KIF1C: variants seen among roughly 807,000 people sequenced by gnomAD.
The protein encoded by KIF1C is kinesin family member 1C.
In KIF1C, 61 loss-of-function variants were observed where a neutral mutation model predicts 126.5. The ratio of observed to expected loss-of-function variants is 0.48; its 90% CI spans 0.39 to 0.60. The LOEUF (loss-of-function observed/expected upper bound fraction) is 0.60. Among genes scored for constraint, KIF1C ranks in the 20% least tolerant of loss-of-function variants. KIF1C has a pLI of 0.00. For synonymous variants in KIF1C, 640 were observed against 580.6 expected (o/e 1.10, Z -1.47); for missense variants, 1,315 against 1,489.2 (o/e 0.88, Z 1.93).
rs751031419 is a variant in KIF1C at position 5,024,026 on chromosome 17, C to A, written c.3187C>A (p.Gln1063Lys). ...FQPKKHNSYP[Q>K]PPQPYPAQRP... ...GCCCAAAAAGCACAACTCTTATCCC[C>A]AGCCACCCCAACCCTACCCAGCCCA... is the stretch of plus-strand genomic sequence containing the variant. Residue 1063 changes from glutamine to lysine, a missense_variant, in exon 23 of 23, where the codon CAG becomes AAG. Around this residue, in one of 2 missense-constraint regions of KIF1C, gnomAD observed 441 missense variants for 436.1 expected, o/e 1.01. Transcript: ENST00000320785. 3.9e-5 allele frequency: 63 copies of A among 1,595,436 alleles called. No homozygotes were observed. Among genetic ancestry groups the A allele is most frequent in the African/African-American group, 5.4e-5 (4 of 74,174 alleles).
At position 5,002,849 on chromosome 17, in the gene KIF1C, T is replaced by TC. The variant is rs760311951; in HGVS notation, c.720+8dup. ...GGGGCTGGACTCGGAGAAGGTGGGA[T>TC]CGCCCCCCCCCCCACTCCCCCACCG... On this transcript the variant is annotated splice_region_variant and intron_variant, in intron 8 of 22. Coordinates refer to ENST00000320785, the MANE Select transcript of KIF1C (RefSeq NM_006612.6). 4 of 1,544,870 alleles carry TC rather than the reference T, an allele frequency of 2.6e-6. No individual in the cohort carries two copies. Among genetic ancestry groups the TC allele is most frequent in the South Asian group, 1.1e-5 (1 of 89,302 alleles).
In KIF1C at chr17:5,020,728, C is replaced by T. The variant is rs376911209; in HGVS notation, c.1937+50C>T. 30 of 1,609,404 alleles carry T rather than the reference C, an allele frequency of 1.9e-5. No individual in the cohort carries two copies. The highest frequency in any genetic ancestry group is 1.7e-4 in the Middle Eastern group (1 of 6,060). ...CCATGGCCGTCTAGGCCGTCCCTCC[C>T]GGGCCTCTGGGCCCGTGTCCTCCTC... On this transcript the variant is annotated intron_variant, in intron 20 of 22. Transcript: ENST00000320785. The surrounding 1 kb of genome is among the most constrained non-coding windows in gnomAD (Gnocchi z 5.8).
chr17:5,022,620 G>A lies in KIF1C; in HGVS notation c.2539G>A (p.Val847Met), dbSNP rs1975119473. 1 of 1,607,440 alleles carries A rather than the reference G, an allele frequency of 6.2e-7. No homozygotes were observed. Among genetic ancestry groups the A allele is most frequent in the Non-Finnish European group, 8.5e-7 (1 of 1,176,440 alleles). Residue 847 changes from valine (V) to methionine (M), a missense_variant, in exon 22 of 23, where the codon GTG (valine) becomes ATG (methionine). By Grantham distance (21) the Val-to-Met change is conservative (BLOSUM62 1). Around this residue, in one of 2 missense-constraint regions of KIF1C, gnomAD observed 441 missense variants for 436.1 expected, o/e 1.01. Coordinates refer to ENST00000320785, the MANE Select transcript of KIF1C (RefSeq NM_006612.6). The surrounding 1 kb of genome is among the most constrained non-coding windows in gnomAD (Gnocchi z 4.9). ...CAAGCTGACGGGGATTCTGCAGGAG[G>A]TGAAGCTGCAGAACAGCAGCAAGGA... ...IDKLTGILQEVKLQNSSKDRE... is the reference protein window; with the variant it reads ...IDKLTGILQEMKLQNSSKDRE...
intron 11 of KIF1C, among the ~76,000 whole-genome samples, chr17:5,004,348 C>A (rs1014619994): frequency 3.9e-5 from 6 of 152,172 alleles, no homozygotes; most frequent in African/African-American, 1.4e-4. Context: ...ACTTCATCCC[C>A]CTTCCATGGT....
intron 13 of KIF1C, among the ~76,000 whole-genome samples, chr17:5,006,378 C>G (rs1322026705): frequency 1.3e-5 from 2 of 151,158 alleles, no homozygotes; most frequent in Non-Finnish European, 2.9e-5. Context: ...GCTCTGTCAC[C>G]CAGGCTGGAG....
chr17:5,022,239 A>G lies in KIF1C; in HGVS notation c.2158A>G (p.Arg720Gly), dbSNP rs1975106276. ...TGGTCTGCCCAGCAGTGGCAAGCGC[A>G]GGGCCCCTCGCAGGGTTTATCAGAT... Reference protein sequence around the residue: ...RCGLPSSGKRRAPRRVYQIPQ... With the variant: ...RCGLPSSGKRGAPRRVYQIPQ... The change falls in exon 22 of 23, where the codon AGG (arginine) becomes GGG (glycine). Residue 720 changes from arginine (R) to glycine (G), a missense_variant. Around this residue, in one of 2 missense-constraint regions of KIF1C, gnomAD observed 874 missense variants for 1,053.2 expected, o/e 0.83. Transcript: ENST00000320785. The surrounding 1 kb of genome is among the most constrained non-coding windows in gnomAD (Gnocchi z 4.9). 6.2e-7 allele frequency: 1 copy of G among 1,614,162 alleles called. No homozygotes were observed. Among genetic ancestry groups the G allele is most frequent in the Non-Finnish European group, 8.5e-7 (1 of 1,180,020 alleles).
chr17:5,009,632 C>CAA (rs1011987820), intron 16 of KIF1C, among the ~76,000 whole-genome samples: 1 of 151,052 alleles, frequency 6.6e-6, no homozygotes, highest in African/African-American at 2.4e-5. Flanking sequence ...ACTACAAATA[C>CAA]AAAAAATTAG....
At position 5,026,646 on chromosome 17, in the gene KIF1C, A is replaced by C. The variant is rs1027131145; in HGVS notation, c.*2495A>C. On this transcript the variant is annotated 3_prime_UTR_variant, in exon 23 of 23. Transcript: ENST00000320785. ...GTACCTGTAGTTCCAGCTACTAGGG[A>C]GGTAGGAAGATCACCTGAGCCCATG... The C allele has an allele frequency of 2.6e-5, 4 of 151,584 alleles. No individual in the cohort carries two copies. The highest frequency in any genetic ancestry group is 7.6e-5 in the African/African-American group (3 of 39,372). 9.4% of individuals were successfully genotyped at this position (151,584 alleles called of 1,614,324 possible). A position where few individuals can be genotyped will look rare whatever the true frequency, so the allele number is the denominator to read the frequency against.
chr17:5,002,851 GCCC>G lies in KIF1C; in HGVS notation c.720+18_720+20del, dbSNP rs10533622. ...GGCTGGACTCGGAGAAGGTGGGATC[GCCC>G]CCCCCCCCACTCCCCCACCGGATGC... On this transcript the variant is annotated intron_variant, in intron 8 of 22. Coordinates refer to ENST00000320785, the MANE Select transcript of KIF1C (RefSeq NM_006612.6). 2.2e-4 allele frequency: 307 copies of G among 1,421,838 alleles called. 2 individuals are homozygous for G. Among genetic ancestry groups the G allele is most frequent in the African/African-American group, 3.4e-4 (23 of 67,388 alleles). The allele number at this position is 1,421,838 out of a possible 1,614,324, so 88.1% of individuals were successfully genotyped here.
At position 5,003,609 on chromosome 17, in the gene KIF1C, C is replaced by T. The variant is rs1477608504; in HGVS notation, c.721-3C>T. The T allele has an allele frequency of 4.3e-6, 7 of 1,610,022 alleles. No individual in the cohort carries two copies. Among genetic ancestry groups the T allele is most frequent in the Non-Finnish European group, 5.9e-6 (7 of 1,177,296 alleles). On this transcript the variant is annotated splice_region_variant and splice_polypyrimidine_tract_variant and intron_variant, in intron 8 of 22. Coordinates refer to ENST00000320785, the MANE Select transcript of KIF1C (RefSeq NM_006612.6). ...ATCTCCTGCCTGTTTCCTCTGACCC[C>T]AGGTCAGTAAGATCAGTTTGGTGGA...
rs1975071327 is a variant in KIF1C, at chr17:5,020,694, C to CCACG, written c.1937+17_1937+20dup. On this transcript the variant is annotated intron_variant, in intron 20 of 22. Transcript: ENST00000320785. This position sits in a 1 kb window ranked among gnomAD's most constrained non-coding sequence, Gnocchi z 5.8. ...TGGAGAAGAGGTGCGAGGGGGTTACCCACGTGCCCCATGGCCGTCTAGGCC... is the reference window on the plus strand; with the variant it reads ...TGGAGAAGAGGTGCGAGGGGGTTACCCACGCACGTGCCCCATGGCCGTCTAGGCC... 2 of 1,612,066 alleles carry CCACG rather than the reference C, an allele frequency of 1.2e-6. No individual in the cohort carries two copies. The highest frequency in any genetic ancestry group is 4.5e-5 in the East Asian group (2 of 44,838).
At chr17:5,006,872 T>A (rs1462292861) in intron 13 of KIF1C, 43 bp from the exon 14 acceptor site, 1 of 1,605,096 alleles carries the variant, frequency 6.2e-7, no homozygotes, top group Admixed American at 1.7e-5. Context: ...CATCAGCTCC[T>A]TCTTTCCTTA....
chr17:5,002,917 G>C, intron 8 of KIF1C, 75 bp downstream of exon 8: 4 of 1,246,596 alleles, frequency 3.2e-6, no homozygotes, highest in Non-Finnish European at 4.6e-6. Context: ...CATGGTAGAA[G>C]GGTCTTGGGC....
Position 5,022,102 on chromosome 17 carries a change from C to T in KIF1C, c.2021C>T (p.Ser674Leu), listed in dbSNP as rs757618663. 5.0e-6 allele frequency: 8 copies of T among 1,603,072 alleles called. No individual in the cohort carries two copies. The Admixed American group carries it at 5.0e-5, about 10-fold the overall frequency. Reference sequence around the variant, plus strand: ...TTTCTCTGGCCCCAGTATGCAGACTCGGACAGCGGGGATGACTCTGACAAG... The same window carrying T: ...TTTCTCTGGCCCCAGTATGCAGACTTGGACAGCGGGGATGACTCTGACAAG... Reference protein sequence around the residue: ...LLEQQRLYADSDSGDDSDKRS... With the variant: ...LLEQQRLYADLDSGDDSDKRS... Residue 674 changes from serine (S) to leucine (L), a missense_variant, in exon 22 of 23, where the codon TCG (serine) becomes TTG (leucine). Transcript: ENST00000320785. This position sits in a 1 kb window ranked among gnomAD's most constrained non-coding sequence, Gnocchi z 4.9.
At chr17:5,007,401 C>T (rs1597850045) in intron 15 of KIF1C, 59 bp downstream of exon 15, 1 of 1,609,784 alleles carries the variant, frequency 6.2e-7, no homozygotes, top group Admixed American at 1.7e-5. Context: ...GGAGGTCAGG[C>T]CCCACAGGGA....
chr17:5,023,375 C>A lies in KIF1C; in HGVS notation c.2629-93C>A. 2 of 1,072,374 alleles carry A rather than the reference C, an allele frequency of 1.9e-6. No individual in the cohort carries two copies. Among genetic ancestry groups the A allele is most frequent in the Non-Finnish European group, 2.7e-6 (2 of 729,950 alleles). 66.4% of individuals were successfully genotyped at this position (1,072,374 alleles called of 1,614,324 possible). ...CTAGGCTTTTCTCTGGACCCTTTGA[C>A]ATCCAGCCACTCCAGGTCCCTCTTG... On this transcript the variant is annotated intron_variant, in intron 22 of 22. Coordinates refer to ENST00000320785, the MANE Select transcript of KIF1C (RefSeq NM_006612.6). This position sits in a 1 kb window ranked among gnomAD's most constrained non-coding sequence, Gnocchi z 4.2.
At chr17:5,004,432 C>G (rs1391675102) in intron 11 of KIF1C, 135 bp from the exon 12 acceptor site, 1 of 778,440 alleles carries the variant, frequency 1.3e-6, no homozygotes, top group Non-Finnish European at 2.2e-6. Flanking sequence ...TTAGCTCCAC[C>G]CCGCTAGACT....
At position 5,000,411 on chromosome 17, in the gene KIF1C, A is replaced by G. The variant is rs988940002; in HGVS notation, c.106+59A>G. ...GCAGGGAAGGCCGGGCCCACCACAC[A>G]GGCCAGTCCCGCTGGGCCAAACTAA... is the stretch of plus-strand genomic sequence containing the variant. On this transcript the variant is annotated intron_variant, in intron 3 of 22. Transcript: ENST00000320785. The G allele has an allele frequency of 7.6e-6, 9 of 1,184,238 alleles. No homozygotes were observed. In the African/African-American group the frequency reaches 1.4e-4, roughly 18 times the overall value. The allele number at this position is 1,184,238 out of a possible 1,614,324, so 73.4% of individuals were successfully genotyped here. A position where few individuals can be genotyped will look rare whatever the true frequency, so the allele number is the denominator to read the frequency against.
At position 5,006,770 on chromosome 17, in the gene KIF1C, G is replaced by A. The variant is rs990455350; in HGVS notation, c.1166-145G>A. ...CCCATTTACCATGGCTGCAGTAGGAGGGCTCCTTGCCTGGTAGGAGGCTGA... is the reference window on the plus strand; with the variant it reads ...CCCATTTACCATGGCTGCAGTAGGAAGGCTCCTTGCCTGGTAGGAGGCTGA... On this transcript the variant is annotated intron_variant, in intron 13 of 22. Transcript: ENST00000320785. The A allele has an allele frequency of 3.8e-6, 3 of 781,438 alleles. No homozygotes were observed. The African/African-American group carries it at 5.4e-5, about 14-fold the overall frequency. 48.4% of individuals were successfully genotyped at this position (781,438 alleles called of 1,614,324 possible).
Sources: gnomAD v4.1 joint callset for allele counts (sites outside exome capture counted in the v4.1 genomes callset) on GRCh38, gnomAD v4.1.1 for gene constraint, gnomAD v4.1.1 regional missense constraint, Gnocchi (gnomAD v3.1) non-coding constraint, MANE v1.5 for transcripts, NCBI Gene and HGNC (gene_info 2026-07-23, HGNC 2026-07-21) for gene names.